The following NXPH1 variants were observed in gnomAD, a reference collection of about 807,000 sequenced individuals.
The protein encoded by NXPH1 is neurexophilin 1.
Under a neutral mutation model 23.7 loss-of-function variants are expected in NXPH1, and 5 were observed. That is an observed-to-expected ratio of 0.21 (90% CI 0.11 to 0.44). The LOEUF is 0.44. Ranked by LOEUF, NXPH1 falls within the 20% of genes least tolerant of loss-of-function variation. The pLI is 0.99. For synonymous variants in NXPH1, 144 were observed against 122.2 expected (o/e 1.18, Z -1.18); for missense variants, 324 against 321.6 (o/e 1.01, Z -0.06).
intron 2 of NXPH1, among the ~76,000 whole-genome samples, chr7:8,742,537 ACTAGC>A (rs1780384996): frequency 6.9e-6 from 1 of 144,064 alleles, no homozygotes; most frequent in Non-Finnish European, 1.6e-5. Flanking sequence ...ATCTGAATAT[ACTAGC>A]TGAGATGTGT....
In NXPH1 at chr7:8,434,469, C is replaced by G. The variant is rs1200612358; in HGVS notation, c.-397C>G. 1 of 153,590 alleles carries G rather than the reference C, an allele frequency of 6.5e-6. No homozygotes were observed. The highest frequency in any genetic ancestry group is 1.5e-5 in the Non-Finnish European group (1 of 68,758). 9.5% of individuals were successfully genotyped at this position (153,590 alleles called of 1,614,324 possible). On this transcript the variant is annotated 5_prime_UTR_variant, in exon 1 of 3. Transcript: ENST00000405863. This position sits in a 1 kb window ranked among gnomAD's most constrained non-coding sequence, Gnocchi z 7.6. ...CTCCCTTTCTGTCTTCCTCTCTTTC[C>G]TCCTCTACTGCTCCCTCCCTCTCTT...
At chr7:8,450,299 A>T (rs1816483340) in intron 2 of NXPH1, among the ~76,000 whole-genome samples, 2 of 150,716 alleles carry the variant, frequency 1.3e-5, no homozygotes, top group South Asian at 4.2e-4. Context: ...AGCTTACTGG[A>T]TTTAAAAGGG....
intron 2 of NXPH1, among the ~76,000 whole-genome samples, chr7:8,591,448 G>A (rs1465138471): frequency 6.6e-6 from 1 of 151,938 alleles, no homozygotes; most frequent in African/African-American, 2.4e-5. Flanking sequence ...TTTCCCACCT[G>A]TATCTTTTCT....
chr7:8,535,550 GACAA>G, intron 2 of NXPH1, among the ~76,000 whole-genome samples: 1 of 151,692 alleles, frequency 6.6e-6, no homozygotes, highest in East Asian at 1.9e-4. Context: ...AAAAAATCCA[GACAA>G]ACCAAACACA....
intron 2 of NXPH1, among the ~76,000 whole-genome samples, chr7:8,603,445 G>A (rs1819409440): frequency 6.6e-6 from 1 of 152,034 alleles, no homozygotes; most frequent in Admixed American, 6.6e-5. Flanking sequence ...TGGACACATT[G>A]TCATTAAGAT....
chr7:8,550,441 C>T (rs931140627), intron 2 of NXPH1, among the ~76,000 whole-genome samples: 2 of 151,542 alleles, frequency 1.3e-5, no homozygotes, highest in South Asian at 2.1e-4. Context: ...ATAGAGTGAG[C>T]CTGCACTTTC....
At chr7:8,633,365 T>C (rs929691788) in intron 2 of NXPH1, among the ~76,000 whole-genome samples, 3 of 152,168 alleles carry the variant, frequency 2.0e-5, no homozygotes, top group Non-Finnish European at 4.4e-5. Context: ...GAGGCGGAGA[T>C]TGCAGTGAGC....
intron 2 of NXPH1, among the ~76,000 whole-genome samples, chr7:8,556,759 T>C (rs1186016517): frequency 6.6e-6 from 1 of 151,676 alleles, no homozygotes; most frequent in Non-Finnish European, 1.5e-5. Context: ...CAAAGTCACA[T>C]TACATAAAGC....
intron 2 of NXPH1, among the ~76,000 whole-genome samples, chr7:8,531,338 C>T (rs1027385005): frequency 6.6e-6 from 1 of 152,152 alleles, no homozygotes; most frequent in Non-Finnish European, 1.5e-5. Flanking sequence ...GTGTGATGTA[C>T]TACATAATAA....
chr7:8,480,356 A>G (rs1458688569), intron 2 of NXPH1, among the ~76,000 whole-genome samples: 2 of 152,298 alleles, frequency 1.3e-5, no homozygotes, highest in South Asian at 2.1e-4. Context: ...ATGTGGCCTG[A>G]GATCTTATTA....
chr7:8,655,288 G>A (rs536633577), intron 2 of NXPH1, among the ~76,000 whole-genome samples: 20 of 152,194 alleles, frequency 1.3e-4, no homozygotes, highest in African/African-American at 4.8e-4. Context: ...GGGAGGCTGA[G>A]GTGGGAGAAT....
chr7:8,696,512 T>C (rs1779513568), intron 2 of NXPH1, among the ~76,000 whole-genome samples: 1 of 152,194 alleles, frequency 6.6e-6, no homozygotes, highest in South Asian at 2.1e-4. Context: ...TCCCATAGGT[T>C]GAGAAAGATC....
chr7:8,552,494 GC>G (rs1463018467), intron 2 of NXPH1, among the ~76,000 whole-genome samples: 3 of 151,380 alleles, frequency 2.0e-5, no homozygotes, highest in African/African-American at 4.8e-5. Flanking sequence ...AAACATGTCT[GC>G]CCCGGGTACA....
At chr7:8,636,231 T>C (rs1712171523) in intron 2 of NXPH1, among the ~76,000 whole-genome samples, 1 of 152,152 alleles carries the variant, frequency 6.6e-6, no homozygotes, top group Non-Finnish European at 1.5e-5. Flanking sequence ...TTTGAGTAAA[T>C]GTAAGTGAAA....
At chr7:8,455,548 C>T (rs187060451) in intron 2 of NXPH1, among the ~76,000 whole-genome samples, 1 of 152,164 alleles carries the variant, frequency 6.6e-6, no homozygotes, top group African/African-American at 2.4e-5. Flanking sequence ...AACAGACTTC[C>T]CTCTTTCTGT....
Position 8,678,928 on chromosome 7 carries a change from A to ATTTTTTTTTTTTTTTTTTTTTT in NXPH1, c.55-72066_55-72045dup, listed in dbSNP as rs540056222. 3.9e-3 allele frequency among the ~76,000 whole-genome samples: 269 copies of ATTTTTTTTTTTTTTTTTTTTTT among 68,788 alleles called. 30 individuals are homozygous for ATTTTTTTTTTTTTTTTTTTTTT. Among genetic ancestry groups the ATTTTTTTTTTTTTTTTTTTTTT allele is most frequent in the Non-Finnish European group, 4.3e-3 (171 of 40,004 alleles). The allele number at this position is 68,788 out of a possible 152,430, so 45.1% of individuals were successfully genotyped here. A position where few individuals can be genotyped will look rare whatever the true frequency, so the allele number is the denominator to read the frequency against. ...TCTAGATTTATCTTTGCTTTATCCA[A>ATTTTTTTTTTTTTTTTTTTTTT]TTTTTTTTTTTTTTTTTTTTTTTTT... On this transcript the variant is annotated intron_variant, in intron 2 of 2. Coordinates refer to ENST00000405863, the MANE Select transcript of NXPH1 (RefSeq NM_152745.3).
intron 2 of NXPH1, among the ~76,000 whole-genome samples, chr7:8,474,524 C>A (rs774633581): frequency 3.3e-5 from 5 of 152,132 alleles, no homozygotes; most frequent in African/African-American, 2.4e-5. Context: ...CTCTCACACA[C>A]ATCTAATTAA....
intron 2 of NXPH1, among the ~76,000 whole-genome samples, chr7:8,481,345 A>G (rs1443855593): frequency 6.6e-6 from 1 of 152,226 alleles, no homozygotes; most frequent in East Asian, 1.9e-4. Context: ...ATCTGGTTGC[A>G]GTGGTAATAG....
At chr7:8,509,066 C>T (rs1380350403) in intron 2 of NXPH1, among the ~76,000 whole-genome samples, 3 of 151,996 alleles carry the variant, frequency 2.0e-5, no homozygotes, top group African/African-American at 7.2e-5. Flanking sequence ...GCATGAAGCA[C>T]CATGAAGTAA....
Sources: gnomAD v4.1 joint callset for allele counts (sites outside exome capture counted in the v4.1 genomes callset) on GRCh38, gnomAD v4.1.1 for gene constraint, Gnocchi (gnomAD v3.1) non-coding constraint, MANE v1.5 for transcripts, NCBI Gene and HGNC (gene_info 2026-07-23, HGNC 2026-07-21) for gene names.